The following FIGNL2 variants were observed in gnomAD, a reference collection of about 807,000 sequenced individuals.
FIGNL2 encodes fidgetin like 2.
For synonymous variants in FIGNL2, 565 were observed against 484.0 expected, an observed-to-expected ratio of 1.17 and a Z score of -2.20; for missense variants, 1,060 against 950.2, an observed-to-expected ratio of 1.12 and a Z score of -1.52.
intron 1 of FIGNL2, among the ~76,000 whole-genome samples, chr12:51,838,918 T>C (rs548217205): frequency 2.0e-5 from 3 of 152,286 alleles, no homozygotes; most frequent in Admixed American, 1.3e-4. Flanking sequence ...CCTGACCAGC[T>C]GACCGTCACT....
At chr12:51,846,982 C>A in intron 1 of FIGNL2, 1 of 983,802 alleles carries the variant, frequency 1.0e-6, no homozygotes, top group South Asian at 4.7e-5. Context: ...GCCACCCCAG[C>A]AAGCCCCGCC....
At chr12:51,823,154 A>G (rs938438004) in intron 1 of FIGNL2, among the ~76,000 whole-genome samples, 58 of 152,344 alleles carry the variant, frequency 3.8e-4, no homozygotes, top group African/African-American at 1.4e-3. Context: ...ACCCAGCTGC[A>G]TGTAATGGCT....
In FIGNL2 at chr12:51,848,652, T is replaced by A; in HGVS notation, c.-124A>T. The A allele has an allele frequency of 1.9e-6, 1 of 534,046 alleles. No homozygotes were observed. Among genetic ancestry groups the A allele is most frequent in the Non-Finnish European group, 2.4e-6 (1 of 417,940 alleles). 33.1% of individuals were successfully genotyped at this position (534,046 alleles called of 1,614,324 possible). A position where few individuals can be genotyped will look rare whatever the true frequency, so the allele number is the denominator to read the frequency against. On this transcript the variant is annotated 5_prime_UTR_variant, in exon 1 of 2. Coordinates refer to ENST00000618634, the MANE Select transcript of FIGNL2 (RefSeq NM_001384995.1). ...GCGACAGGCCTGGGCTGGGGGGCAG[T>A]GGCGCTCACCATCCTGGAGCCGCTG...
intron 1 of FIGNL2, among the ~76,000 whole-genome samples, chr12:51,833,226 A>T (rs919220879): frequency 7.9e-5 from 12 of 151,760 alleles, no homozygotes; most frequent in African/African-American, 2.2e-4. Context: ...AATTTTTAAA[A>T]TTTTTTTGTA....
chr12:51,847,580 C>A (rs977871761), intron 1 of FIGNL2: 3 of 985,354 alleles, frequency 3.0e-6, no homozygotes, highest in South Asian at 4.7e-5. Flanking sequence ...CGTCCACCCA[C>A]CCCTGCGCTC....
At position 51,848,694 on chromosome 12, in the gene FIGNL2, G is replaced by A. The variant is rs1355531012; in HGVS notation, c.-166C>T. The A allele has an allele frequency of 3.6e-6, 1 of 279,774 alleles. No homozygotes were observed. Among genetic ancestry groups the A allele is most frequent in the Non-Finnish European group, 5.4e-6 (1 of 185,000 alleles). 17.3% of individuals were successfully genotyped at this position (279,774 alleles called of 1,614,324 possible). The stretch of plus-strand genomic sequence containing the variant: ...GAGCCGCTGCTGCTGCGGCTGCTGC[G>A]GCCGCCGCGGGCGGGAGCGGGACTG... On this transcript the variant is annotated 5_prime_UTR_variant, in exon 1 of 2. Coordinates refer to ENST00000618634, the MANE Select transcript of FIGNL2 (RefSeq NM_001384995.1).
rs183411190 is a variant in FIGNL2 at position 51,844,651 on chromosome 12, G to A, written c.-12+3889C>T. The stretch of plus-strand genomic sequence containing the variant: ...CAGAGTGTTTAACAAGTGTGTGGAA[G>A]CGTTAACTATGATTCATCAAGATGC... On this transcript the variant is annotated intron_variant, in intron 1 of 1. Coordinates refer to ENST00000618634, the MANE Select transcript of FIGNL2 (RefSeq NM_001384995.1). 4.1e-4 allele frequency: 401 copies of A among 971,416 alleles called. 3 individuals carry two copies. In the African/African-American group the frequency reaches 6.5e-3, roughly 16 times the overall value. The allele number at this position is 971,416 out of a possible 1,614,324, so 60.2% of individuals were successfully genotyped here.
intron 1 of FIGNL2, chr12:51,844,991 G>C (rs990833955): frequency 1.9e-6 from 1 of 534,722 alleles, no homozygotes; most frequent in Admixed American, 6.4e-5. Flanking sequence ...GGATGGACTG[G>C]GGTGAGGGTT....
rs750053394 is a variant in FIGNL2, at chr12:51,834,109, T to TGGA, written c.-11-11686_-11-11685insTCC. Among the ~76,000 whole-genome samples the TGGA allele has an allele frequency of 1.3e-3, 180 of 133,922 alleles. 1 individual carries two copies. The highest frequency in any genetic ancestry group is 4.5e-3 in the South Asian group (18 of 4,012). The allele number at this position is 133,922 out of a possible 152,430, so 87.9% of individuals were successfully genotyped here. On this transcript the variant is annotated intron_variant, in intron 1 of 1. Coordinates refer to ENST00000618634, the MANE Select transcript of FIGNL2 (RefSeq NM_001384995.1). ...GACAGACGGATGGGTGGATGGATGG[T>TGGA]TGGATGGATGGATGGATGGATGGAT...
At chr12:51,846,961 C>A in intron 1 of FIGNL2, 15 of 975,772 alleles carry the variant, frequency 1.5e-5, no homozygotes, top group Non-Finnish European at 1.8e-5. Context: ...GCCTGTCACC[C>A]GTCCAGCCCA....
chr12:51,821,158 G>C lies in FIGNL2; in HGVS notation c.1256C>G (p.Pro419Arg), dbSNP rs1455468800. ...VWPLLRPPAY[P>R]GSLRPPRTVL... is the part of the protein sequence containing the mutation. ...GGTCCGCGGCGGGCGCAGGCTGCCCGGGTAGGCGGGCGGCCTGAGCAGGGG... is the reference window on the plus strand; with the variant it reads ...GGTCCGCGGCGGGCGCAGGCTGCCCCGGTAGGCGGGCGGCCTGAGCAGGGG... The change falls in exon 2 of 2, where the codon CCG (proline) becomes CGG (arginine). Residue 419 changes from proline (P) to arginine (R), a missense_variant. Transcript: ENST00000618634. 8.8e-6 allele frequency: 13 copies of C among 1,476,580 alleles called. No individual in the cohort carries two copies. The highest frequency in any genetic ancestry group is 1.5e-5 in the African/African-American group (1 of 67,594). 91.5% of individuals were successfully genotyped at this position (1,476,580 alleles called of 1,614,324 possible). A position where few individuals can be genotyped will look rare whatever the true frequency, so the allele number is the denominator to read the frequency against.
intron 1 of FIGNL2, among the ~76,000 whole-genome samples, chr12:51,833,531 C>A (rs919271630): frequency 2.6e-5 from 4 of 152,180 alleles, no homozygotes; most frequent in African/African-American, 9.7e-5. Flanking sequence ...TCCTCATGGT[C>A]GGCTTCCATT....
intron 1 of FIGNL2, chr12:51,845,466 C>G: frequency 1.0e-6 from 1 of 985,284 alleles, no homozygotes; most frequent in South Asian, 4.7e-5. Flanking sequence ...CACCGCCCCC[C>G]CCCCACAGTC....
At position 51,820,164 on chromosome 12, in the gene FIGNL2, C is replaced by A; in HGVS notation, c.*288G>T. The A allele has an allele frequency of 2.3e-6, 1 of 443,862 alleles. No individual in the cohort carries two copies. Among genetic ancestry groups the A allele is most frequent in the Non-Finnish European group, 4.0e-6 (1 of 248,234 alleles). 27.5% of individuals were successfully genotyped at this position (443,862 alleles called of 1,614,324 possible). A position where few individuals can be genotyped will look rare whatever the true frequency, so the allele number is the denominator to read the frequency against. On this transcript the variant is annotated 3_prime_UTR_variant, in exon 2 of 2. Transcript: ENST00000618634. ...AAGAGAGCAGGAGTTCTTAAGGCCC[C>A]GGGTGCCAGCCCATGCCGGATCTGC...
chr12:51,846,416 G>A (rs1439025065), intron 1 of FIGNL2, among the ~76,000 whole-genome samples: 2 of 152,198 alleles, frequency 1.3e-5, no homozygotes, highest in Non-Finnish European at 2.9e-5. Flanking sequence ...GCAGAGAGGC[G>A]TGAAATTGCG....
rs1939191468 is a variant in FIGNL2, at chr12:51,821,461, T to A, written c.953A>T (p.Glu318Val). The A allele has an allele frequency of 6.5e-6, 10 of 1,539,158 alleles. No homozygotes were observed. The highest frequency in any genetic ancestry group is 7.0e-6 in the Non-Finnish European group (8 of 1,146,590). Reference sequence around the variant, plus strand: ...GCCACCGTACTTGCCCGACGCCTCCTCCGCGGCTCCTGGCGGCTTGGCCCG... The same window carrying A: ...GCCACCGTACTTGCCCGACGCCTCCACCGCGGCTCCTGGCGGCTTGGCCCG... The part of the protein sequence containing the change: ...GFRAKPPGAA[E>V]EASGKYGGGV... The change falls in exon 2 of 2, where the codon GAG becomes GTG. Residue 318 changes from glutamate to valine, a missense_variant. Transcript: ENST00000618634.
At position 51,819,243 on chromosome 12, in the gene FIGNL2, T is replaced by C. The variant is rs1939112976; in HGVS notation, c.*1209A>G. ...CTACCTTCTGGGTCTCAGGAAGGAA[T>C]TGGGCAAGGGCATCCTAACTCTGGA... On this transcript the variant is annotated 3_prime_UTR_variant, in exon 2 of 2. Coordinates refer to ENST00000618634, the MANE Select transcript of FIGNL2 (RefSeq NM_001384995.1). 1.3e-5 allele frequency: 2 copies of C among 152,216 alleles called. No individual in the cohort carries two copies. The highest frequency in any genetic ancestry group is 6.5e-5 in the Admixed American group (1 of 15,282). 9.4% of individuals were successfully genotyped at this position (152,216 alleles called of 1,614,324 possible).
intron 1 of FIGNL2, among the ~76,000 whole-genome samples, chr12:51,826,660 A>G (rs958267200): frequency 1.4e-5 from 2 of 140,042 alleles, no homozygotes; most frequent in African/African-American, 5.1e-5. Flanking sequence ...AAAAAAAAAA[A>G]AAATCTAACC....
At chr12:51,825,271 G>T (rs1216166544) in intron 1 of FIGNL2, among the ~76,000 whole-genome samples, 17 of 152,146 alleles carry the variant, frequency 1.1e-4, no homozygotes, top group African/African-American at 4.1e-4. Flanking sequence ...CACAGTAAAT[G>T]AAGAAGACTC....
Sources: gnomAD v4.1 joint callset for allele counts (sites outside exome capture counted in the v4.1 genomes callset) on GRCh38, gnomAD v4.1.1 for gene constraint, MANE v1.5 for transcripts, NCBI Gene and HGNC (gene_info 2026-07-23, HGNC 2026-07-21) for gene names.